Variants in ICOS observed in about 807,000 individuals in gnomAD.
ICOS encodes inducible T-cell costimulator.
In ICOS, 15 loss-of-function variants were observed where a neutral mutation model predicts 24.6. That is an observed-to-expected ratio of 0.61 (90% confidence interval 0.41 to 0.94). The LOEUF is 0.94. Among genes scored for constraint, ICOS ranks in the 40% least tolerant of loss-of-function variants. The pLI is 0.00. For missense variants in ICOS, 200 were observed against 233.0 expected (o/e 0.86, Z 0.92); for synonymous variants, 89 against 77.5 (o/e 1.15, Z -0.78).
At chr2:203,950,893 CT>C (rs932274022) in intron 1 of ICOS, among the ~76,000 whole-genome samples, 1 of 149,790 alleles carries the variant, frequency 6.7e-6, no homozygotes, top group African/African-American at 2.5e-5. Context: ...AACCCTGTCT[CT>C]ACTAAAAATA....
At chr2:203,949,894 G>A (rs1251234726) in intron 1 of ICOS, among the ~76,000 whole-genome samples, 1 of 152,096 alleles carries the variant, frequency 6.6e-6, no homozygotes, top group East Asian at 1.9e-4. Context: ...TTGGAGATAA[G>A]AACATCCAAG....
At chr2:203,953,669 A>G (rs559025337) in intron 1 of ICOS, among the ~76,000 whole-genome samples, 111 of 152,356 alleles carry the variant, frequency 7.3e-4, no homozygotes, top group Admixed American at 2.2e-3. Flanking sequence ...GCAAAATGGC[A>G]ATACATAGTA....
At chr2:203,938,720 G>A (rs1689710258) in intron 1 of ICOS, among the ~76,000 whole-genome samples, 1 of 152,206 alleles carries the variant, frequency 6.6e-6, no homozygotes, top group African/African-American at 2.4e-5. Context: ...GTGAGATCCA[G>A]CCTTAGGTAG....
chr2:203,953,634 C>G (rs1690023668), intron 1 of ICOS, among the ~76,000 whole-genome samples: 1 of 152,128 alleles, frequency 6.6e-6, no homozygotes, highest in African/African-American at 2.4e-5. Flanking sequence ...CTGCATAATG[C>G]TAATCCTGTT....
At chr2:203,950,432 A>G (rs1316546353) in intron 1 of ICOS, among the ~76,000 whole-genome samples, 1 of 152,120 alleles carries the variant, frequency 6.6e-6, no homozygotes, top group African/African-American at 2.4e-5. Flanking sequence ...TAAGCTATTC[A>G]TGGGGGTTCT....
At chr2:203,950,583 A>G (rs1392647716) in intron 1 of ICOS, among the ~76,000 whole-genome samples, 5 of 152,216 alleles carry the variant, frequency 3.3e-5, no homozygotes, top group Non-Finnish European at 7.3e-5. Flanking sequence ...TAGTTATGAA[A>G]TAATTAATTA....
chr2:203,944,510 C>G (rs1689836210), intron 1 of ICOS, among the ~76,000 whole-genome samples: 1 of 152,192 alleles, frequency 6.6e-6, no homozygotes, highest in Non-Finnish European at 1.5e-5. Context: ...TCCCAATCTT[C>G]AGTAAATAGG....
intron 1 of ICOS, among the ~76,000 whole-genome samples, chr2:203,955,099 G>T (rs1432482562): frequency 6.6e-6 from 1 of 151,820 alleles, no homozygotes; most frequent in African/African-American, 2.4e-5. Context: ...AATAAATGAA[G>T]TTTTTCCTAA....
chr2:203,953,158 G>A (rs951305433), intron 1 of ICOS, among the ~76,000 whole-genome samples: 2 of 152,098 alleles, frequency 1.3e-5, no homozygotes, highest in Non-Finnish European at 2.9e-5. Context: ...GTAACTCTTT[G>A]GGGTCCCAAT....
intron 1 of ICOS, among the ~76,000 whole-genome samples, chr2:203,940,906 C>T (rs574165453): frequency 1.3e-5 from 2 of 152,260 alleles, no homozygotes; most frequent in African/African-American, 4.8e-5. Context: ...GCCTCAGCCT[C>T]CCAAGTAGGT....
chr2:203,944,135 G>A (rs1343414571), intron 1 of ICOS, among the ~76,000 whole-genome samples: 2 of 152,094 alleles, frequency 1.3e-5, no homozygotes, highest in African/African-American at 2.4e-5. Context: ...CTGGATTCAC[G>A]GCCTCCCCCC....
At chr2:203,954,262 C>T (rs1342653281) in intron 1 of ICOS, among the ~76,000 whole-genome samples, 1 of 152,154 alleles carries the variant, frequency 6.6e-6, no homozygotes, top group Non-Finnish European at 1.5e-5. Flanking sequence ...ACAACCTTGG[C>T]TTCCTATAAG....
chr2:203,957,601 G>A (rs1235748437), intron 3 of ICOS, among the ~76,000 whole-genome samples, 198 bp from the exon 4 acceptor site: 1 of 152,146 alleles, frequency 6.6e-6, no homozygotes, highest in African/African-American at 2.4e-5. Flanking sequence ...GCAAAAACGA[G>A]GAAGAAAGTT....
intron 4 of ICOS, among the ~76,000 whole-genome samples, chr2:203,958,365 G>T (rs575593517): frequency 3.9e-5 from 6 of 152,280 alleles, no homozygotes; most frequent in African/African-American, 1.4e-4. Flanking sequence ...AGAAATTGAT[G>T]AAGATATCTG....
At chr2:203,940,977 G>T (rs1689759678) in intron 1 of ICOS, among the ~76,000 whole-genome samples, 1 of 152,076 alleles carries the variant, frequency 6.6e-6, no homozygotes, top group Non-Finnish European at 1.5e-5. Context: ...GTAGAGACGG[G>T]GTTTCACCGT....
intron 4 of ICOS, 125 bp from the exon 5 acceptor site, chr2:203,959,461 T>A (rs1690133312): frequency 4.1e-6 from 3 of 736,932 alleles, no homozygotes; most frequent in Non-Finnish European, 7.4e-6. Context: ...TGTGAGTGTG[T>A]GTGTGTGTGT....
At chr2:203,942,602 T>G (rs1284906282) in intron 1 of ICOS, among the ~76,000 whole-genome samples, 1 of 152,234 alleles carries the variant, frequency 6.6e-6, no homozygotes, top group Non-Finnish European at 1.5e-5. Context: ...ACAGAACACA[T>G]ATGTGGCACC....
intron 1 of ICOS, among the ~76,000 whole-genome samples, chr2:203,941,076 G>T (rs185636400): frequency 6.6e-6 from 1 of 152,270 alleles, no homozygotes; most frequent in East Asian, 1.9e-4. Context: ...GATTACAGGC[G>T]TGAGCCACCG....
intron 1 of ICOS, among the ~76,000 whole-genome samples, chr2:203,949,830 A>T (rs768590292): frequency 1.3e-5 from 2 of 152,156 alleles, no homozygotes; most frequent in African/African-American, 4.8e-5. Flanking sequence ...AGCAGACACT[A>T]TCTATAAAAG....
Sources: gnomAD v4.1 joint callset for allele counts (sites outside exome capture counted in the v4.1 genomes callset) on GRCh38, gnomAD v4.1.1 for gene constraint, MANE v1.5 for transcripts, NCBI Gene and HGNC (gene_info 2026-07-23, HGNC 2026-07-21) for gene names.